Variants in NSUN6 observed in about 807,000 individuals in gnomAD.
NSUN6 encodes NOP2/Sun RNA methyltransferase 6.
NSUN6 carries 64 observed loss-of-function variants against 58.0 expected under a neutral mutation model. The observed-to-expected ratio is 1.10, with a 90% confidence interval of 0.90 to 1.36. NSUN6 has a LOEUF of 1.36. Among genes scored for constraint, NSUN6 ranks in the 40% most tolerant of loss-of-function variants. The pLI is 0.00. For missense variants in NSUN6, 701 were observed against 550.1 expected, an observed-to-expected ratio of 1.27 and a Z score of -2.74; for synonymous variants, 231 against 193.9, an observed-to-expected ratio of 1.19 and a Z score of -1.59.
chr10:18,632,144 A>G (rs1197605749), intron 3 of NSUN6, among the ~76,000 whole-genome samples: 1 of 152,026 alleles, frequency 6.6e-6, no homozygotes, highest in Non-Finnish European at 1.5e-5. Context: ...GAGAAAAACA[A>G]GCAATGGGGA....
chr10:18,646,119 T>C (rs907941069), intron 2 of NSUN6, among the ~76,000 whole-genome samples: 4 of 151,940 alleles, frequency 2.6e-5, no homozygotes, highest in African/African-American at 9.7e-5. Flanking sequence ...CGCTTGAACC[T>C]GGGAGGCAGA....
At chr10:18,618,682 CAAAA>C (rs35116933) in intron 3 of NSUN6, among the ~76,000 whole-genome samples, 3 of 51,486 alleles carry the variant, frequency 5.8e-5, no homozygotes, top group East Asian at 6.3e-4. Context: ...AACTCCATCT[CAAAA>C]AAAAAAAAAA....
chr10:18,611,330 T>C (rs751934229), intron 5 of NSUN6, among the ~76,000 whole-genome samples: 2 of 152,144 alleles, frequency 1.3e-5, no homozygotes, highest in Non-Finnish European at 2.9e-5. Context: ...GACAAGTTCA[T>C]AGCTAGCTTA....
At chr10:18,620,248 C>T (rs1249125483) in intron 3 of NSUN6, among the ~76,000 whole-genome samples, 9 of 152,052 alleles carry the variant, frequency 5.9e-5, no homozygotes, top group African/African-American at 1.7e-4. Context: ...CCACCATACC[C>T]GGCTAATTTT....
chr10:18,642,631 T>C (rs926516913), intron 2 of NSUN6, 76 bp from the exon 3 acceptor site: 7 of 744,466 alleles, frequency 9.4e-6, no homozygotes, highest in Non-Finnish European at 1.7e-5. Context: ...TTCAGTATCA[T>C]CATCTACCAC....
At chr10:18,641,267 C>A (rs2059384020) in intron 3 of NSUN6, among the ~76,000 whole-genome samples, 1 of 151,796 alleles carries the variant, frequency 6.6e-6, no homozygotes, top group South Asian at 2.1e-4. Context: ...TATTATAATT[C>A]TTAGGAGTTT....
At chr10:18,652,032 G>C, upstream of NSUN6, 2 of 985,408 alleles carry the variant, frequency 2.0e-6, no homozygotes, top group Non-Finnish European at 2.4e-6. Flanking sequence ...CAGGCATACA[G>C]ATCTGACTTC....
Position 18,548,204 on chromosome 10 carries a change from C to T in NSUN6, c.1105G>A (p.Val369Ile), listed in dbSNP as rs141169950. The change falls in exon 10 of 11, where the codon GTT (valine) becomes ATT (isoleucine). Residue 369 changes from valine (V) to isoleucine (I), a missense_variant. By Grantham distance (29) the Val-to-Ile change is conservative (BLOSUM62 3). Transcript: ENST00000377304. ...AGTGTTATAGTGCACGTGCTATAAACCAGCACACCCTCTGGCTTCAGCAGC... is the reference window on the plus strand; with the variant it reads ...AGTGTTATAGTGCACGTGCTATAAATCAGCACACCCTCTGGCTTCAGCAGC... ...VQLLKPEGVL[V>I]YSTCTITLAE... 2 of 1,613,082 alleles carry T rather than the reference C, an allele frequency of 1.2e-6. No individual in the cohort carries two copies. Among genetic ancestry groups the T allele is most frequent in the African/African-American group, 2.7e-5 (2 of 74,896 alleles).
At chr10:18,654,190 G>A (rs1011084733), upstream of NSUN6, among the ~76,000 whole-genome samples, 2 of 152,238 alleles carry the variant, frequency 1.3e-5, no homozygotes, top group East Asian at 3.9e-4. Flanking sequence ...CCGCTTCCTG[G>A]GTTCAAGCGA....
At chr10:18,599,010 G>A (rs557922416) in intron 6 of NSUN6, among the ~76,000 whole-genome samples, 18 of 152,170 alleles carry the variant, frequency 1.2e-4, no homozygotes, top group African/African-American at 3.9e-4. Flanking sequence ...CCCATGTGAC[G>A]AGGCTTAATT....
chr10:18,593,813 A>T (rs1254422365), intron 7 of NSUN6, among the ~76,000 whole-genome samples: 3 of 151,796 alleles, frequency 2.0e-5, no homozygotes, highest in Non-Finnish European at 4.4e-5. Flanking sequence ...ATCATGGCAC[A>T]TGTATACCTA....
intron 5 of NSUN6, among the ~76,000 whole-genome samples, chr10:18,613,238 A>C (rs961577068): frequency 2.6e-5 from 4 of 152,080 alleles, no homozygotes; most frequent in Non-Finnish European, 4.4e-5. Context: ...CTGCGATTAC[A>C]AGCACCTACC....
chr10:18,587,988 C>T (rs777671305), intron 7 of NSUN6, among the ~76,000 whole-genome samples: 36 of 152,246 alleles, frequency 2.4e-4, no homozygotes, highest in Admixed American at 3.9e-4. Context: ...CTCAGTAGGT[C>T]CCACTGTCAC....
At chr10:18,546,195 G>T in intron 10 of NSUN6, 50 bp from the exon 11 acceptor site, 3 of 1,197,204 alleles carry the variant, frequency 2.5e-6, no homozygotes, top group South Asian at 1.2e-5. Context: ...TAATTAGCAA[G>T]TATGACTGCT....
intron 3 of NSUN6, among the ~76,000 whole-genome samples, chr10:18,636,396 G>A (rs1279050556): frequency 6.7e-6 from 1 of 149,970 alleles, no homozygotes; most frequent in African/African-American, 2.4e-5. Flanking sequence ...CATGGTGGCT[G>A]GCACTTATAA....
At position 18,595,053 on chromosome 10, in the gene NSUN6, G is replaced by A. The variant is rs1277362372; in HGVS notation, c.777+1155C>T. 2.6e-5 allele frequency among the ~76,000 whole-genome samples: 4 copies of A among 152,188 alleles called. No homozygotes were observed. The East Asian group carries it at 5.8e-4, about 22-fold the overall frequency. On this transcript the variant is annotated intron_variant, in intron 7 of 10. Transcript: ENST00000377304. The stretch of plus-strand genomic sequence containing the variant: ...GGGGAGAACTTACACATCGGCCAGA[G>A]GCAGGGCATCCCTGTCATCTCAGCT...
upstream of NSUN6, among the ~76,000 whole-genome samples, chr10:18,654,391 T>G (rs2059755599): frequency 6.6e-6 from 1 of 152,182 alleles, no homozygotes; most frequent in Non-Finnish European, 1.5e-5. Flanking sequence ...GGAAGAAAGG[T>G]CTTAATTCTG....
At chr10:18,568,900 T>C (rs1483961053) in intron 8 of NSUN6, among the ~76,000 whole-genome samples, 1 of 150,136 alleles carries the variant, frequency 6.7e-6, no homozygotes, top group South Asian at 2.1e-4. Context: ...TTCCAATCCA[T>C]TCTACTCTCC....
At chr10:18,633,922 G>A (rs2131504448) in intron 3 of NSUN6, among the ~76,000 whole-genome samples, 1 of 152,300 alleles carries the variant, frequency 6.6e-6, no homozygotes, top group South Asian at 2.1e-4. Flanking sequence ...GAGACCCTCG[G>A]CTCTGCTCAC....
Sources: allele counts gnomAD v4.1 joint callset (sites outside exome capture counted in the v4.1 genomes callset), GRCh38; gene constraint gnomAD v4.1.1; transcripts MANE v1.5; gene names NCBI Gene and HGNC (gene_info 2026-07-23, HGNC 2026-07-21).